SMAD2: variants seen among roughly 807,000 people sequenced by gnomAD.
The protein encoded by SMAD2 is SMAD family member 2, also known as MAD homolog 2.
In SMAD2, 8 loss-of-function variants were observed where a neutral mutation model predicts 64.4. That is an observed-to-expected ratio of 0.12 (90% CI 0.07 to 0.22). The LOEUF (loss-of-function observed/expected upper bound fraction) is 0.22. Among genes scored for constraint, SMAD2 ranks in the 10% least tolerant of loss-of-function variants. SMAD2 has a pLI of 1.00. For missense variants in SMAD2, 289 were observed against 561.2 expected, an observed-to-expected ratio of 0.51 and a Z score of 4.90; for synonymous variants, 203 against 195.8, an observed-to-expected ratio of 1.04 and a Z score of -0.31.
intron 1 of SMAD2, among the ~76,000 whole-genome samples, chr18:47,914,656 C>T (rs767700474): frequency 7.7e-6 from 1 of 129,320 alleles, no homozygotes; most frequent in African/African-American, 2.8e-5. Context: ...CCACTTCTGT[C>T]GCATAACAAA....
rs2030082772 is a variant in SMAD2 at position 47,851,553 on chromosome 18, C to T, written c.731-226G>A. ...AAGGTGCAACAGTTTTGGCTTCTAG[C>T]CCAACAGTTCATCTTCCCAAAGATA... On this transcript the variant is annotated intron_variant, in intron 6 of 10. Coordinates refer to ENST00000262160, the MANE Select transcript of SMAD2 (RefSeq NM_005901.6). 2.0e-5 allele frequency among the ~76,000 whole-genome samples: 3 copies of T among 152,014 alleles called. 1 individual carries two copies. The South Asian group carries it at 6.2e-4, about 32-fold the overall frequency.
chr18:47,827,878 T>C lies in SMAD2; in HGVS notation c.*13949A>G, dbSNP rs886740923. ...GCCTTGGCCTCCCAAAGTGCGGAGA[T>C]TGCAGCCTCTGCCCGGCCGCCACCC... On this transcript the variant is annotated 3_prime_UTR_variant, in exon 11 of 11. Transcript: ENST00000262160. 9.7e-4 allele frequency: 178 copies of C among 183,804 alleles called. No individual in the cohort carries two copies. The highest frequency in any genetic ancestry group is 4.0e-3 in the African/African-American group (167 of 41,948). The allele number at this position is 183,804 out of a possible 1,614,324, so 11.4% of individuals were successfully genotyped here. A position where few individuals can be genotyped will look rare whatever the true frequency, so the allele number is the denominator to read the frequency against.
intron 6 of SMAD2, 67 bp from the exon 7 acceptor site, chr18:47,851,394 T>C (rs1448855920): frequency 1.0e-6 from 1 of 990,514 alleles, no homozygotes; most frequent in Non-Finnish European, 1.6e-6. Flanking sequence ...ATCATAAAAC[T>C]AGCTTTATCT....
chr18:47,873,878 A>C (rs1285589412), intron 2 of SMAD2, among the ~76,000 whole-genome samples: 3 of 152,162 alleles, frequency 2.0e-5, no homozygotes, highest in Non-Finnish European at 4.4e-5. Context: ...TGTTTTTAGA[A>C]AACTGCAGTT....
intron 2 of SMAD2, among the ~76,000 whole-genome samples, chr18:47,892,860 T>C (rs2033263467): frequency 6.6e-6 from 1 of 152,330 alleles, no homozygotes; most frequent in Middle Eastern, 3.4e-3. Context: ...TTTATGCTTA[T>C]GAAAATAAAT....
chr18:47,849,535 T>C (rs1012840226), intron 7 of SMAD2, among the ~76,000 whole-genome samples: 6 of 151,394 alleles, frequency 4.0e-5, no homozygotes, highest in East Asian at 1.9e-4. Flanking sequence ...TTACAGGGGA[T>C]TGGTTCTAGG....
rs774530042 is a variant in SMAD2 at position 47,824,184 on chromosome 18, G to C, written c.*17643C>G. 2.6e-5 allele frequency: 4 copies of C among 152,200 alleles called. No individual in the cohort carries two copies. The highest frequency in any genetic ancestry group is 4.4e-5 in the Non-Finnish European group (3 of 68,060). The allele number at this position is 152,200 out of a possible 1,614,324, so 9.4% of individuals were successfully genotyped here. A position where few individuals can be genotyped will look rare whatever the true frequency, so the allele number is the denominator to read the frequency against. On this transcript the variant is annotated 3_prime_UTR_variant, in exon 11 of 11. Coordinates refer to ENST00000262160, the MANE Select transcript of SMAD2 (RefSeq NM_005901.6). ...ACTTTCGGAAAAACATCTTCATCAA[G>C]AGAGGGAAAGGTGAAAGCTGTCAGA...
At position 47,829,934 on chromosome 18, in the gene SMAD2, A is replaced by C. The variant is rs1029231321; in HGVS notation, c.*11893T>G. Reference sequence around the variant, plus strand: ...TTTTCATTTTAGAATTAAAAATTTGAATTTCCCTTTGCCTACAAGTCTAAG... The same window carrying C: ...TTTTCATTTTAGAATTAAAAATTTGCATTTCCCTTTGCCTACAAGTCTAAG... On this transcript the variant is annotated 3_prime_UTR_variant, in exon 11 of 11. Coordinates refer to ENST00000262160, the MANE Select transcript of SMAD2 (RefSeq NM_005901.6). 6.6e-6 allele frequency: 1 copy of C among 152,224 alleles called. No individual in the cohort carries two copies. The highest frequency in any genetic ancestry group is 2.4e-5 in the African/African-American group (1 of 41,464). 9.4% of individuals were successfully genotyped at this position (152,224 alleles called of 1,614,324 possible). A position where few individuals can be genotyped will look rare whatever the true frequency, so the allele number is the denominator to read the frequency against.
intron 1 of SMAD2, among the ~76,000 whole-genome samples, chr18:47,903,880 G>C (rs1020544759): frequency 4.2e-5 from 6 of 143,400 alleles, no homozygotes; most frequent in African/African-American, 1.3e-4. Context: ...ACAGTGTGGG[G>C]GGGGGGGGGA....
rs2144226576 is a variant in SMAD2, at chr18:47,814,849, C to T, written c.*26978G>A. The T allele has an allele frequency of 6.6e-6, 1 of 152,376 alleles. No individual in the cohort carries two copies. Among genetic ancestry groups the T allele is most frequent in the Non-Finnish European group, 1.5e-5 (1 of 68,128 alleles). The allele number at this position is 152,376 out of a possible 1,614,324, so 9.4% of individuals were successfully genotyped here. A position where few individuals can be genotyped will look rare whatever the true frequency, so the allele number is the denominator to read the frequency against. ...ATCCCTTCCCACCCACTCCAAAGCCCAGCAGATTAACAGTCCCATAGTTGG... is the reference window on the plus strand; with the variant it reads ...ATCCCTTCCCACCCACTCCAAAGCCTAGCAGATTAACAGTCCCATAGTTGG... On this transcript the variant is annotated 3_prime_UTR_variant, in exon 11 of 11. Transcript: ENST00000262160.
intron 6 of SMAD2, among the ~76,000 whole-genome samples, chr18:47,857,212 T>G (rs2030781422): frequency 1.3e-5 from 2 of 152,300 alleles, no homozygotes; most frequent in South Asian, 4.1e-4. Context: ...TGTTTAACTT[T>G]TATCTGACAC....
Position 47,848,704 on chromosome 18 carries a change from T to G in SMAD2, c.785-17A>C, listed in dbSNP as rs372218727. On this transcript the variant is annotated splice_polypyrimidine_tract_variant and intron_variant, in intron 7 of 10. Coordinates refer to ENST00000262160, the MANE Select transcript of SMAD2 (RefSeq NM_005901.6). ...GCTGTAAATCTGAAAAAGAAAAAAA[T>G]AAAAAAATAATAAAAGGAAGAAATG... is the stretch of plus-strand genomic sequence containing the variant. 126 of 1,548,550 alleles carry G rather than the reference T, an allele frequency of 8.1e-5. No homozygotes were observed. The highest frequency in any genetic ancestry group is 1.8e-4 in the African/African-American group (13 of 72,178).
chr18:47,872,347 G>A (rs755971964), intron 2 of SMAD2, among the ~76,000 whole-genome samples: 1 of 151,922 alleles, frequency 6.6e-6, no homozygotes, highest in African/African-American at 2.4e-5. Flanking sequence ...GTATCCAAGG[G>A]TTCCACATCC....
chr18:47,919,469 TACACACACACACACAC>T (rs66523523), intron 1 of SMAD2, among the ~76,000 whole-genome samples: 1,467 of 129,970 alleles, frequency 0.011, 30 homozygotes, highest in African/African-American at 0.031. Flanking sequence ...AAAAAAAAAA[TACACACACACACACAC>T]ACACACACAC....
chr18:47,893,193 G>A (rs1046796036), intron 2 of SMAD2, among the ~76,000 whole-genome samples: 1 of 152,176 alleles, frequency 6.6e-6, no homozygotes. Flanking sequence ...ATTACTCTGT[G>A]TCACCACAGA....
intron 2 of SMAD2, among the ~76,000 whole-genome samples, chr18:47,871,290 G>A (rs911241743): frequency 2.6e-5 from 4 of 152,172 alleles, no homozygotes; most frequent in African/African-American, 9.7e-5. Context: ...AATGTCTCAA[G>A]TACTAAGTTG....
intron 2 of SMAD2, among the ~76,000 whole-genome samples, chr18:47,888,485 C>T (rs974594117): frequency 1.3e-5 from 2 of 152,186 alleles, no homozygotes; most frequent in African/African-American, 4.8e-5. Flanking sequence ...TCAAAGTCAC[C>T]TCATACTTCG....
intron 5 of SMAD2, among the ~76,000 whole-genome samples, chr18:47,865,553 C>T (rs911480578): frequency 8.5e-5 from 13 of 152,102 alleles, no homozygotes; most frequent in Middle Eastern, 6.8e-3. Flanking sequence ...AAAAAACACA[C>T]AAGATTTTGG....
intron 2 of SMAD2, among the ~76,000 whole-genome samples, chr18:47,892,710 A>G (rs2033255533): frequency 6.6e-6 from 1 of 152,232 alleles, no homozygotes. Flanking sequence ...AAAACAATAC[A>G]GATTCCAATG....
Sources: gnomAD v4.1 joint callset for allele counts (sites outside exome capture counted in the v4.1 genomes callset) on GRCh38, gnomAD v4.1.1 for gene constraint, MANE v1.5 for transcripts, NCBI Gene and HGNC (gene_info 2026-07-23, HGNC 2026-07-21) for gene names.